ADAP1: variants seen among roughly 807,000 people sequenced by gnomAD.
ADAP1 encodes arf-GAP with dual PH domain-containing protein 1.
In ADAP1, 31 loss-of-function variants were observed where a neutral mutation model predicts 54.9. The ratio of observed to expected loss-of-function variants is 0.56; its 90% CI spans 0.42 to 0.76. The LOEUF is 0.76. ADAP1 is among the 30% of genes least tolerant of loss of function. The probability of loss-of-function intolerance (pLI) is 0.00; values close to 1 mark genes in which losing one functional copy is unlikely to be tolerated. For synonymous variants in ADAP1, 313 were observed against 202.6 expected (o/e 1.55, Z -4.63); for missense variants, 535 against 512.4 (o/e 1.04, Z -0.42).
chr7:910,499 C>A (rs1257013063), intron 4 of ADAP1, among the ~76,000 whole-genome samples: 1 of 152,206 alleles, frequency 6.6e-6, no homozygotes, highest in African/African-American at 2.4e-5. Flanking sequence ...GACCCTCCTG[C>A]CTCTCCTCCC....
intron 4 of ADAP1, among the ~76,000 whole-genome samples, chr7:917,534 G>C (rs765955555): frequency 6.6e-6 from 1 of 152,076 alleles, no homozygotes; most frequent in Non-Finnish European, 1.5e-5. Context: ...GCGCAATCTC[G>C]GCTCATTGCA....
intron 1 of ADAP1, among the ~76,000 whole-genome samples, chr7:949,567 C>T (rs746125623): frequency 5.3e-5 from 8 of 152,260 alleles, no homozygotes; most frequent in East Asian, 1.9e-4. Flanking sequence ...ATCTGTGCGT[C>T]GGGGAAGCTG....
chr7:914,048 CCA>C (rs953336860), intron 4 of ADAP1, among the ~76,000 whole-genome samples: 1 of 152,218 alleles, frequency 6.6e-6, no homozygotes, highest in African/African-American at 2.4e-5. Flanking sequence ...GTGGCGTGGC[CCA>C]CACACAGGAC....
At position 906,791 on chromosome 7, in the gene ADAP1, CGGGACAGGGGACATGG is replaced by C. The variant is rs1218653628; in HGVS notation, c.389-1635_389-1620del. On this transcript the variant is annotated intron_variant, in intron 4 of 10. Transcript: ENST00000265846. Reference sequence around the variant, plus strand: ...CATGGGGGACAGGGGACACGGGGGACGGGACAGGGGACATGGGGGGACATGGGTCAGATGGTGATGG... The same window carrying C: ...CATGGGGGACAGGGGACACGGGGGACGGGGACATGGGTCAGATGGTGATGG... Among the ~76,000 whole-genome samples the C allele has an allele frequency of 7.0e-5, 2 of 28,730 alleles. 1 individual carries two copies. The highest frequency in any genetic ancestry group is 1.9e-4 in the African/African-American group (2 of 10,714). 18.8% of individuals were successfully genotyped at this position (28,730 alleles called of 152,430 possible).
At chr7:907,727 C>T (rs759253485) in intron 4 of ADAP1, among the ~76,000 whole-genome samples, 1 of 152,358 alleles carries the variant, frequency 6.6e-6, no homozygotes, top group East Asian at 1.9e-4. Flanking sequence ...TTGCAGCATC[C>T]GTGTCCTGGG....
intron 1 of ADAP1, among the ~76,000 whole-genome samples, chr7:948,736 G>A (rs1036367656): frequency 1.3e-5 from 2 of 151,744 alleles, no homozygotes; most frequent in Non-Finnish European, 2.9e-5. Flanking sequence ...TCACTCTGTC[G>A]CCCAGGCTGG....
intron 4 of ADAP1, among the ~76,000 whole-genome samples, chr7:919,612 G>T (rs577054535): frequency 7.2e-6 from 1 of 138,806 alleles, no homozygotes; most frequent in Non-Finnish European, 1.5e-5. Context: ...GACAGAGAAT[G>T]AGAGACAGAC....
At position 946,024 on chromosome 7, in the gene ADAP1, C is replaced by T. The variant is rs916584633; in HGVS notation, c.82+8372G>A. Among the ~76,000 whole-genome samples the T allele has an allele frequency of 1.3e-5, 2 of 152,100 alleles. No individual in the cohort carries two copies. The highest frequency in any genetic ancestry group is 4.8e-5 in the African/African-American group (2 of 41,356). On this transcript the variant is annotated intron_variant, in intron 1 of 10. Coordinates refer to ENST00000265846, the MANE Select transcript of ADAP1 (RefSeq NM_006869.4). The surrounding 1 kb of genome is among the most constrained non-coding windows in gnomAD (Gnocchi z 4.3). Reference sequence around the variant, plus strand: ...CAATCGAGGCCGGGTCGGACGCTGGCTCTGGCCAGGCACGCAAGGGGCAGC... The same window carrying T: ...CAATCGAGGCCGGGTCGGACGCTGGTTCTGGCCAGGCACGCAAGGGGCAGC...
chr7:907,745 T>TCTG (rs1845533027), intron 4 of ADAP1, among the ~76,000 whole-genome samples: 2 of 152,206 alleles, frequency 1.3e-5, no homozygotes, highest in Admixed American at 6.5e-5. Flanking sequence ...GGGCTCCGTC[T>TCTG]GCCAGGCCTT....
At chr7:905,810 AGGAGAAG>A (rs1174055534) in intron 4 of ADAP1, among the ~76,000 whole-genome samples, 27 of 29,744 alleles carry the variant, frequency 9.1e-4, no homozygotes, top group East Asian at 2.1e-3. Context: ...GAAAGGAGAA[AGGAGAAG>A]GGAGAAGGGA....
intron 4 of ADAP1, among the ~76,000 whole-genome samples, chr7:906,793 G>T (rs55832589): frequency 0.16 from 13,473 of 82,290 alleles, 1,620 homozygotes; most frequent in South Asian, 0.21. Flanking sequence ...ACGGGGGACG[G>T]GACAGGGGAC....
intron 6 of ADAP1, among the ~76,000 whole-genome samples, chr7:903,095 G>A (rs1244228523): frequency 3.3e-5 from 5 of 152,246 alleles, no homozygotes; most frequent in Non-Finnish European, 2.9e-5. Context: ...CGTGGGAGTC[G>A]CAGGCTCCTG....
intron 7 of ADAP1, 58 bp downstream of exon 7, chr7:900,475 C>A (rs1844735131): frequency 6.8e-7 from 1 of 1,463,896 alleles, no homozygotes; most frequent in South Asian, 1.2e-5. Flanking sequence ...GGGCTCCGTC[C>A]ACCCCCCACC....
intron 1 of ADAP1, among the ~76,000 whole-genome samples, chr7:952,495 C>G (rs1451687783): frequency 6.6e-6 from 1 of 152,118 alleles, no homozygotes; most frequent in Non-Finnish European, 1.5e-5. Context: ...CCCAGAGCAG[C>G]TGGCATCAGC....
chr7:931,501 G>A (rs112039414), intron 2 of ADAP1, among the ~76,000 whole-genome samples: 2,514 of 150,606 alleles, frequency 0.017, 29 homozygotes, highest in Middle Eastern at 0.028. Flanking sequence ...GTGCGATCCC[G>A]TTTTTAAAAG....
chr7:923,085 C>T (rs1004432090), intron 3 of ADAP1: 2 of 152,116 alleles, frequency 1.3e-5, no homozygotes, highest in Admixed American at 1.3e-4. Context: ...GTACGCAGGG[C>T]CCACGATGTG....
In ADAP1 at chr7:905,382, A is replaced by C. The variant is rs1315380488; in HGVS notation, c.389-210T>G. 1.1e-5 allele frequency: 3 copies of C among 269,196 alleles called. No individual in the cohort carries two copies. The African/African-American group carries it at 1.8e-4, about 16-fold the overall frequency. 16.7% of individuals were successfully genotyped at this position (269,196 alleles called of 1,614,324 possible). On this transcript the variant is annotated intron_variant, in intron 4 of 10. Transcript: ENST00000265846. ...AGGGAAAGGGAAAGGGAAAGGAGAA[A>C]GGAGAAAGGAGAAAGGAGAAAGGAG...
chr7:920,880 AG>A lies in ADAP1; in HGVS notation c.306-831del. 1.9e-6 allele frequency: 3 copies of A among 1,549,982 alleles called. No homozygotes were observed. ...AGCCGCCCCAGCCTTTTCCACTCCC[AG>A]GGAATTACGCGGCAAAGAACAAATA... On this transcript the variant is annotated intron_variant, in intron 3 of 10. Coordinates refer to ENST00000265846, the MANE Select transcript of ADAP1 (RefSeq NM_006869.4). This position sits in a 1 kb window ranked among gnomAD's most constrained non-coding sequence, Gnocchi z 4.5.
chr7:916,576 G>A lies in ADAP1; in HGVS notation c.388+3392C>T, dbSNP rs574436083. Among the ~76,000 whole-genome samples, 51 of 152,340 alleles carry A rather than the reference G, an allele frequency of 3.3e-4. No individual in the cohort carries two copies. The Middle Eastern group carries it at 0.014, about 41-fold the overall frequency. On this transcript the variant is annotated intron_variant, in intron 4 of 10. Coordinates refer to ENST00000265846, the MANE Select transcript of ADAP1 (RefSeq NM_006869.4). Reference sequence around the variant, plus strand: ...GTGATTCTTTGGGGGTTTAAGGCAGGAGTGGAGCGAGGGGTGTGCTGGGTG... The same window carrying A: ...GTGATTCTTTGGGGGTTTAAGGCAGAAGTGGAGCGAGGGGTGTGCTGGGTG...
Sources: allele counts gnomAD v4.1 joint callset (sites outside exome capture counted in the v4.1 genomes callset), GRCh38; gene constraint gnomAD v4.1.1; non-coding constraint Gnocchi (gnomAD v3.1); transcripts MANE v1.5; gene names NCBI Gene and HGNC (gene_info 2026-07-23, HGNC 2026-07-21).